Variants in RNF10 observed in about 807,000 individuals in gnomAD.
RNF10 encodes the protein E3 ubiquitin-protein ligase RNF10.
RNF10 carries 38 observed loss-of-function variants against 91.4 expected under a neutral mutation model. That is an observed-to-expected ratio of 0.42 (90% CI 0.32 to 0.54). RNF10 has a LOEUF of 0.54. Ranked by LOEUF, RNF10 falls within the 20% of genes least tolerant of loss-of-function variation. The pLI, the probability that RNF10 is intolerant of heterozygous loss-of-function variation, is 0.16. For synonymous variants in RNF10, 364 were observed against 366.3 expected (o/e 0.99, Z 0.07); for missense variants, 945 against 1,012.0 (o/e 0.93, Z 0.90).
In RNF10 at chr12:120,534,571, G is replaced by C; in HGVS notation, c.-241G>C. On this transcript the variant is annotated 5_prime_UTR_variant, in exon 1 of 17. Transcript: ENST00000325954. ...CCGCAGCCTCCGCCCCGCCAGGCCC[G>C]GCCCGGACTCCCGAGCCCCGGCCTC... The C allele has an allele frequency of 3.5e-6, 3 of 858,570 alleles. No homozygotes were observed. Among genetic ancestry groups the C allele is most frequent in the Non-Finnish European group, 4.6e-6 (3 of 650,978 alleles). The allele number at this position is 858,570 out of a possible 1,614,324, so 53.2% of individuals were successfully genotyped here. A position where few individuals can be genotyped will look rare whatever the true frequency, so the allele number is the denominator to read the frequency against.
At chr12:120,567,793 A>G (rs532270720) in intron 13 of RNF10, among the ~76,000 whole-genome samples, 1 of 152,244 alleles carries the variant, frequency 6.6e-6, no homozygotes, top group Admixed American at 6.5e-5. Context: ...TTTGTAGAAC[A>G]AGAATAAATG....
intron 11 of RNF10, 111 bp from the exon 12 acceptor site, chr12:120,565,317 G>T: frequency 8.6e-7 from 1 of 1,163,926 alleles, no homozygotes. Context: ...CACTTCATCT[G>T]TTCATCTAGT....
Position 120,554,736 on chromosome 12 carries a change from T to C in RNF10, c.573T>C (p.Ser191=), listed in dbSNP as rs1873701239. 6.2e-7 allele frequency: 1 copy of C among 1,613,824 alleles called. No individual in the cohort carries two copies. The highest frequency in any genetic ancestry group is 1.3e-5 in the African/African-American group (1 of 74,896). The change falls in exon 4 of 17, where the codon TCT becomes TCC. Residue 191 remains serine (S), a synonymous_variant. Coordinates refer to ENST00000325954, the MANE Select transcript of RNF10 (RefSeq NM_014868.5). ...FLQANCQFVV[S]EDQDYTAHFA... ...TTTCTAGCTGCCAATTTGTGGTGTC[T>C]GAAGACCAAGACTACACAGCTCATT...
At chr12:120,541,504 C>T (rs1207823963) in intron 1 of RNF10, among the ~76,000 whole-genome samples, 12 of 150,720 alleles carry the variant, frequency 8.0e-5, no homozygotes, top group Non-Finnish European at 1.2e-4. Flanking sequence ...GCACGATCTC[C>T]GCTCACTGCT....
chr12:120,574,432 G>A (rs931299326), intron 14 of RNF10: 2 of 455,842 alleles, frequency 4.4e-6, no homozygotes, highest in African/African-American at 4.0e-5. Flanking sequence ...ATTCCTCAGG[G>A]GCATGAGGAT....
At chr12:120,569,078 C>A (rs1020218618) in intron 13 of RNF10, among the ~76,000 whole-genome samples, 2 of 152,172 alleles carry the variant, frequency 1.3e-5, no homozygotes, top group Non-Finnish European at 2.9e-5. Flanking sequence ...TCAAGCGATT[C>A]TCCTGCCTCA....
At chr12:120,548,757 C>A (rs1434592220) in intron 2 of RNF10, among the ~76,000 whole-genome samples, 2 of 149,456 alleles carry the variant, frequency 1.3e-5, no homozygotes, top group Non-Finnish European at 3.0e-5. Flanking sequence ...CTCTTGGGTT[C>A]ACGCCATTCT....
In RNF10 at chr12:120,552,425, G is replaced by A. The variant is rs977972259; in HGVS notation, c.355-74G>A. ...AAAAAAAAAAGCTGTGTAAAAGGAG[G>A]GTTTTTTTTGGGTTTCTGCTATAAA... On this transcript the variant is annotated intron_variant, in intron 2 of 16. Coordinates refer to ENST00000325954, the MANE Select transcript of RNF10 (RefSeq NM_014868.5). 1.3e-5 allele frequency: 17 copies of A among 1,297,872 alleles called. No individual in the cohort carries two copies. In the African/African-American group the frequency reaches 2.5e-4, roughly 19 times the overall value. 80.4% of individuals were successfully genotyped at this position (1,297,872 alleles called of 1,614,324 possible). A position where few individuals can be genotyped will look rare whatever the true frequency, so the allele number is the denominator to read the frequency against.
At chr12:120,565,280 G>A in intron 11 of RNF10, 91 bp downstream of exon 11, 9 of 1,133,644 alleles carry the variant, frequency 7.9e-6, no homozygotes, top group Non-Finnish European at 1.1e-5. Flanking sequence ...TTATGGAACT[G>A]TATCATGAGT....
At position 120,559,213 on chromosome 12, in the gene RNF10, G is replaced by C. The variant is rs1016248501; in HGVS notation, c.968-1513G>C. On this transcript the variant is annotated intron_variant, in intron 6 of 16. Transcript: ENST00000325954. ...TTTTTTTTTTTTGAGACGGAGTCTT[G>C]CTGTGTTTCCCAGGCTGGAGTGCAA... 1.5e-4 allele frequency among the ~76,000 whole-genome samples: 15 copies of C among 102,136 alleles called. No individual in the cohort carries two copies. The South Asian group carries it at 1.5e-3, about 10-fold the overall frequency. The allele number at this position is 102,136 out of a possible 152,430, so 67.0% of individuals were successfully genotyped here.
chr12:120,568,242 CAAA>C (rs938071852), intron 13 of RNF10, among the ~76,000 whole-genome samples: 2 of 131,606 alleles, frequency 1.5e-5, no homozygotes, highest in Non-Finnish European at 3.3e-5. Flanking sequence ...CAGACCCTCT[CAAA>C]AAAAAAAAGA....
At position 120,565,208 on chromosome 12, in the gene RNF10, T is replaced by TAAAGAGAAGCAGAGCAGGG; in HGVS notation, c.1783+19_1783+20insAAAGAGAAGCAGAGCAGGG. On this transcript the variant is annotated intron_variant, in intron 11 of 16. Coordinates refer to ENST00000325954, the MANE Select transcript of RNF10 (RefSeq NM_014868.5). ...TTCTCAGGTGAGAATGCCCCTGCTC[T>TAAAGAGAAGCAGAGCAGGG]GCTTCTCTTTATAGTAGGGTTCAGG... is the stretch of plus-strand genomic sequence containing the variant. The TAAAGAGAAGCAGAGCAGGG allele has an allele frequency of 6.6e-7, 1 of 1,504,788 alleles. No individual in the cohort carries two copies. The highest frequency in any genetic ancestry group is 9.3e-7 in the Non-Finnish European group (1 of 1,080,688). The allele number at this position is 1,504,788 out of a possible 1,614,324, so 93.2% of individuals were successfully genotyped here.
intron 1 of RNF10, among the ~76,000 whole-genome samples, chr12:120,542,173 T>A: frequency 6.6e-6 from 1 of 152,084 alleles, no homozygotes; most frequent in Non-Finnish European, 1.5e-5. Flanking sequence ...GCCTTTTTCT[T>A]TTTTTGAGAC....
intron 7 of RNF10, among the ~76,000 whole-genome samples, chr12:120,562,233 A>ACAT (rs1286928886): frequency 6.7e-6 from 1 of 150,358 alleles, no homozygotes. Flanking sequence ...AGAAGTGAGA[A>ACAT]CATGTGTGCG....
intron 1 of RNF10, among the ~76,000 whole-genome samples, chr12:120,542,662 C>G (rs1264144835): frequency 6.6e-6 from 1 of 152,178 alleles, no homozygotes; most frequent in Admixed American, 6.5e-5. Flanking sequence ...AAATGATTCT[C>G]ATGCCTTAGC....
chr12:120,559,534 A>G (rs889799353), intron 6 of RNF10, among the ~76,000 whole-genome samples: 1 of 151,728 alleles, frequency 6.6e-6, no homozygotes, highest in African/African-American at 2.4e-5. Flanking sequence ...ACAGGCACGC[A>G]CCACCACACC....
At chr12:120,568,547 C>G (rs1481040536) in intron 13 of RNF10, among the ~76,000 whole-genome samples, 1 of 151,342 alleles carries the variant, frequency 6.6e-6, no homozygotes, top group East Asian at 1.9e-4. Context: ...GCAATCTCAG[C>G]TAACTGCAAC....
At chr12:120,552,355 G>A (rs536319832) in intron 2 of RNF10, 144 bp from the exon 3 acceptor site, 57 of 655,844 alleles carry the variant, frequency 8.7e-5, no homozygotes, top group African/African-American at 1.6e-4. Flanking sequence ...AGCCAAGATC[G>A]TGCCATTGCA....
At chr12:120,558,963 C>T (rs1565959668) in intron 6 of RNF10, among the ~76,000 whole-genome samples, 1 of 151,514 alleles carries the variant, frequency 6.6e-6, no homozygotes, top group South Asian at 2.1e-4. Context: ...CACTTTGTCG[C>T]CTGGGCTGGA....
Sources: gnomAD v4.1 joint callset for allele counts (sites outside exome capture counted in the v4.1 genomes callset) on GRCh38, gnomAD v4.1.1 for gene constraint, MANE v1.5 for transcripts, NCBI Gene and HGNC (gene_info 2026-07-23, HGNC 2026-07-21) for gene names.